Variants in GABPB2 observed in about 807,000 individuals in gnomAD.
GABPB2 encodes the protein GA-binding protein subunit beta-2.
GABPB2 carries 23 observed loss-of-function variants against 39.1 expected under a neutral mutation model. That is an observed-to-expected ratio of 0.59 (90% CI 0.42 to 0.83). The LOEUF is 0.83. GABPB2 is among the 40% of genes least tolerant of loss of function. The pLI, the probability that GABPB2 is intolerant of heterozygous loss-of-function variation, is 0.00. For missense variants in GABPB2, 467 were observed against 541.1 expected (o/e 0.86, Z 1.36); for synonymous variants, 184 against 199.3 (o/e 0.92, Z 0.65).
chr1:151,084,751 G>T (rs953627323), intron 1 of GABPB2, among the ~76,000 whole-genome samples: 1 of 142,328 alleles, frequency 7.0e-6, no homozygotes, highest in Non-Finnish European at 1.5e-5. Context: ...AGCCAGGATG[G>T]TCTCGATCTC....
chr1:151,118,481 C>A lies in GABPB2; in HGVS notation c.*225C>A, dbSNP rs1258057952. On this transcript the variant is annotated 3_prime_UTR_variant, in exon 9 of 9. Transcript: ENST00000368918. ...GCCAAAAGAATAAAGGACCAAATTT[C>A]TTAGCTCATATCATTGCTTTAAACA... 1.1e-5 allele frequency: 5 copies of A among 466,104 alleles called. No individual in the cohort carries two copies. The highest frequency in any genetic ancestry group is 1.1e-5 in the Non-Finnish European group (3 of 262,178). The allele number at this position is 466,104 out of a possible 1,614,324, so 28.9% of individuals were successfully genotyped here.
intron 3 of GABPB2, among the ~76,000 whole-genome samples, 177 bp downstream of exon 3, chr1:151,090,750 T>C (rs1678608136): frequency 6.6e-6 from 1 of 151,690 alleles, no homozygotes; most frequent in South Asian, 2.1e-4. Flanking sequence ...TCCCAGCACT[T>C]TGGGAGGCCG....
chr1:151,091,694 G>T (rs1249503945), intron 3 of GABPB2, among the ~76,000 whole-genome samples: 2 of 151,748 alleles, frequency 1.3e-5, no homozygotes, highest in East Asian at 3.9e-4. Context: ...GGCCAGGCTG[G>T]TCTCAAACTC....
rs587725914 is a variant in GABPB2, at chr1:151,114,897, C to T, written c.923-2495C>T. Among the ~76,000 whole-genome samples, 5 of 143,978 alleles carry T rather than the reference C, an allele frequency of 3.5e-5. No homozygotes were observed. The East Asian group carries it at 1.1e-3, about 31-fold the overall frequency. 94.5% of individuals were successfully genotyped at this position (143,978 alleles called of 152,430 possible). A position where few individuals can be genotyped will look rare whatever the true frequency, so the allele number is the denominator to read the frequency against. ...TGGTGGCAGGCACCTGTAATCCCAG[C>T]TACTCGGGAGGCTGAGGTAGGAGAA... On this transcript the variant is annotated intron_variant, in intron 7 of 8. Transcript: ENST00000368918.
chr1:151,091,202 C>T (rs1678663297), intron 3 of GABPB2, among the ~76,000 whole-genome samples: 2 of 150,750 alleles, frequency 1.3e-5, no homozygotes, highest in Non-Finnish European at 3.0e-5. Flanking sequence ...ATTCTCCTGC[C>T]TCAGCCTCCC....
intron 7 of GABPB2, among the ~76,000 whole-genome samples, chr1:151,111,051 G>T (rs587679254): frequency 1.3e-5 from 2 of 152,032 alleles, no homozygotes; most frequent in South Asian, 2.1e-4. Context: ...AGGCTGAGGC[G>T]GGAGGAGCGC....
At chr1:151,091,311 C>T (rs1051130541) in intron 3 of GABPB2, among the ~76,000 whole-genome samples, 29 of 151,556 alleles carry the variant, frequency 1.9e-4, no homozygotes, top group Non-Finnish European at 3.7e-4. Context: ...TGGTCTCAAA[C>T]TCCTGACCTC....
At chr1:151,111,763 T>A (rs1342324730) in intron 7 of GABPB2, 1 of 150,860 alleles carries the variant, frequency 6.6e-6, no homozygotes, top group Non-Finnish European at 1.5e-5. Context: ...CTCGAACTCC[T>A]GACCTTGTGA....
At chr1:151,088,435 T>A in intron 2 of GABPB2, 138 bp downstream of exon 2, 2 of 1,337,330 alleles carry the variant, frequency 1.5e-6, no homozygotes, top group Middle Eastern at 1.8e-4. Flanking sequence ...ATTTTCTTTG[T>A]CTCATCTGAA....
intron 4 of GABPB2, among the ~76,000 whole-genome samples, chr1:151,096,285 G>A (rs757201367): frequency 3.9e-5 from 6 of 152,090 alleles, no homozygotes; most frequent in Middle Eastern, 3.4e-3. Context: ...AATTAGCCGG[G>A]CATGGCAGCG....
intron 1 of GABPB2, among the ~76,000 whole-genome samples, chr1:151,071,390 GATTACT>G (rs768963503): frequency 1.9e-4 from 29 of 149,892 alleles, no homozygotes; most frequent in Non-Finnish European, 3.3e-4. Context: ...TGACCTGAAA[GATTACT>G]AGTGAACTCG....
intron 7 of GABPB2, among the ~76,000 whole-genome samples, chr1:151,114,824 A>G (rs368824746): frequency 6.4e-4 from 97 of 152,250 alleles, no homozygotes; most frequent in African/African-American, 2.2e-3. Flanking sequence ...AGCCTGCCCA[A>G]CATGGCAAAA....
At chr1:151,092,057 A>G (rs1678757505) in intron 3 of GABPB2, among the ~76,000 whole-genome samples, 3 of 148,124 alleles carry the variant, frequency 2.0e-5, no homozygotes, top group African/African-American at 7.4e-5. Context: ...TCAGCCTCCC[A>G]ACACTGACAG....
At position 151,117,482 on chromosome 1, in the gene GABPB2, T is replaced by C; in HGVS notation, c.1013T>C (p.Ile338Thr). ...TTGCCACTAACAAAGAAACCAAGGA[T>C]AGGAGAGAAGACAAACAGTGTGGAG... ...EKLPLTKKPR[I>T]GEKTNSVEES... Residue 338 changes from isoleucine (I) to threonine (T), a missense_variant, in exon 8 of 9, where the codon ATA (isoleucine) becomes ACA (threonine). Ile to Thr is a moderately conservative substitution (Grantham distance 89, BLOSUM62 -1). Coordinates refer to ENST00000368918, the MANE Select transcript of GABPB2 (RefSeq NM_144618.3). 1 of 1,613,936 alleles carries C rather than the reference T, an allele frequency of 6.2e-7. No individual in the cohort carries two copies. Among genetic ancestry groups the C allele is most frequent in the Non-Finnish European group, 8.5e-7 (1 of 1,179,924 alleles).
At chr1:151,117,285 T>C in intron 7 of GABPB2, 107 bp from the exon 8 acceptor site, 1 of 1,234,978 alleles carries the variant, frequency 8.1e-7, no homozygotes, top group African/African-American at 1.5e-5. Flanking sequence ...CACACCACTG[T>C]ACCCAACCTA....
chr1:151,091,785 A>G (rs939159730), intron 3 of GABPB2, among the ~76,000 whole-genome samples: 1 of 151,752 alleles, frequency 6.6e-6, no homozygotes, highest in African/African-American at 2.4e-5. Context: ...CCCTAAAACA[A>G]TTTTTTAAAT....
Position 151,119,493 on chromosome 1 carries a change from A to G in GABPB2, c.*1237A>G, listed in dbSNP as rs1181085142. ...AGCGGCTCACGCCTGTAATCCCAGC[A>G]CTTTCGGAGGCAGAGGCAGGCGGAT... is the stretch of plus-strand genomic sequence containing the variant. On this transcript the variant is annotated 3_prime_UTR_variant, in exon 9 of 9. Transcript: ENST00000368918. 1 of 152,336 alleles carries G rather than the reference A, an allele frequency of 6.6e-6. No individual in the cohort carries two copies. Among genetic ancestry groups the G allele is most frequent in the Non-Finnish European group, 1.5e-5 (1 of 68,136 alleles). The allele number at this position is 152,336 out of a possible 1,614,324, so 9.4% of individuals were successfully genotyped here. A position where few individuals can be genotyped will look rare whatever the true frequency, so the allele number is the denominator to read the frequency against.
At position 151,121,288 on chromosome 1, in the gene GABPB2, G is replaced by A. The variant is rs995045595; in HGVS notation, c.*3032G>A. On this transcript the variant is annotated 3_prime_UTR_variant, in exon 9 of 9. Coordinates refer to ENST00000368918, the MANE Select transcript of GABPB2 (RefSeq NM_144618.3). ...AGCTTTGTGCCTTATAGGGTGCTCA[G>A]TGTGTGTTGACAAAGGGAATAAGAA... 19 of 152,154 alleles carry A rather than the reference G, an allele frequency of 1.2e-4. No individual in the cohort carries two copies. Among genetic ancestry groups the A allele is most frequent in the African/African-American group, 4.6e-4 (19 of 41,454 alleles). The allele number at this position is 152,154 out of a possible 1,614,324, so 9.4% of individuals were successfully genotyped here.
chr1:151,097,033 T>C (rs1283955796), intron 4 of GABPB2, among the ~76,000 whole-genome samples: 1 of 152,076 alleles, frequency 6.6e-6, no homozygotes, highest in East Asian at 1.9e-4. Context: ...TGCCTCAGCC[T>C]CCCGAGTAGC....
Sources: allele counts gnomAD v4.1 joint callset (sites outside exome capture counted in the v4.1 genomes callset), GRCh38; gene constraint gnomAD v4.1.1; transcripts MANE v1.5; gene names NCBI Gene and HGNC (gene_info 2026-07-23, HGNC 2026-07-21).